Variants in MLPH observed in about 807,000 individuals in gnomAD.
MLPH encodes exophilin-3.
Under a neutral mutation model 72.1 loss-of-function variants are expected in MLPH, and 51 were observed. That is an observed-to-expected ratio of 0.71 (90% CI 0.56 to 0.89). The LOEUF (loss-of-function observed/expected upper bound fraction) is 0.89. Ranked by LOEUF, MLPH falls within the 40% of genes least tolerant of loss-of-function variation. The pLI is 0.00. For synonymous variants in MLPH, 301 were observed against 310.1 expected, an observed-to-expected ratio of 0.97 and a Z score of 0.31; for missense variants, 743 against 759.9, an observed-to-expected ratio of 0.98 and a Z score of 0.26.
intron 2 of MLPH, among the ~76,000 whole-genome samples, chr2:237,495,274 G>T (rs1013711519): frequency 1.3e-5 from 2 of 152,186 alleles, no homozygotes; most frequent in Non-Finnish European, 2.9e-5. Context: ...CCCATCTCAG[G>T]ATCCTTAATG....
chr2:237,549,115 G>A lies in MLPH; in HGVS notation c.1618-106G>A, dbSNP rs1375788591. ...TATTGCTAGAGAGCAGAAAATAGTGGCCATGGTTAATTAGAAGCTGGAAGA... is the reference window on the plus strand; with the variant it reads ...TATTGCTAGAGAGCAGAAAATAGTGACCATGGTTAATTAGAAGCTGGAAGA... On this transcript the variant is annotated intron_variant, in intron 13 of 15. Transcript: ENST00000264605. 3 of 967,626 alleles carry A rather than the reference G, an allele frequency of 3.1e-6. No individual in the cohort carries two copies. In the African/African-American group the frequency reaches 4.8e-5, roughly 16 times the overall value. 59.9% of individuals were successfully genotyped at this position (967,626 alleles called of 1,614,324 possible).
At chr2:237,520,447 C>A (rs1162085009) in intron 6 of MLPH, among the ~76,000 whole-genome samples, 1 of 152,058 alleles carries the variant, frequency 6.6e-6, no homozygotes, top group South Asian at 2.1e-4. Context: ...GGAACATACA[C>A]TTTATTGCCC....
At chr2:237,507,068 T>TTTTTTTTTTTTTTTTTTG (rs2079792677) in intron 2 of MLPH, among the ~76,000 whole-genome samples, 1 of 141,410 alleles carries the variant, frequency 7.1e-6, no homozygotes, top group Non-Finnish European at 1.5e-5. Context: ...TTTTCTTTTT[T>TTTTTTTTTTTTTTTTTTG]TTTTTTTTTT....
chr2:237,549,585 A>C (rs2080992133), intron 14 of MLPH, among the ~76,000 whole-genome samples: 3 of 152,172 alleles, frequency 2.0e-5, no homozygotes, highest in Admixed American at 1.3e-4. Context: ...CTGGCCTTCT[A>C]GAAAGTACGG....
intron 2 of MLPH, among the ~76,000 whole-genome samples, chr2:237,495,840 C>T (rs567821290): frequency 8.7e-4 from 133 of 152,290 alleles, no homozygotes; most frequent in Non-Finnish European, 1.4e-3. Flanking sequence ...GCAGAGGCTG[C>T]GGACCAGCAT....
chr2:237,538,345 G>A (rs1257240354), intron 9 of MLPH, among the ~76,000 whole-genome samples: 1 of 152,226 alleles, frequency 6.6e-6, no homozygotes, highest in African/African-American at 2.4e-5. Flanking sequence ...TGTGGGACTC[G>A]AAGCAGGGAC....
intron 1 of MLPH, among the ~76,000 whole-genome samples, chr2:237,488,985 CT>C (rs1168199624): frequency 6.6e-6 from 1 of 152,158 alleles, no homozygotes; most frequent in Non-Finnish European, 1.5e-5. Flanking sequence ...ATCACTCCCC[CT>C]CTTAATTTCA....
intron 6 of MLPH, among the ~76,000 whole-genome samples, chr2:237,524,129 C>A (rs1574870383): frequency 6.6e-6 from 1 of 151,158 alleles, no homozygotes; most frequent in Non-Finnish European, 1.5e-5. Flanking sequence ...TTGACAGGGG[C>A]TGGATTTTTC....
chr2:237,491,490 C>T (rs2079427568), intron 1 of MLPH, among the ~76,000 whole-genome samples: 1 of 152,202 alleles, frequency 6.6e-6, no homozygotes, highest in Admixed American at 6.5e-5. Flanking sequence ...GAGCTGCAAG[C>T]ACAGAAAAGC....
intron 2 of MLPH, among the ~76,000 whole-genome samples, chr2:237,495,780 G>C (rs2079523160): frequency 6.6e-6 from 1 of 152,212 alleles, no homozygotes; most frequent in African/African-American, 2.4e-5. Flanking sequence ...GGTACAGCCA[G>C]TACCAGCCTG....
Position 237,511,073 on chromosome 2 carries a change from G to T in MLPH, c.417G>T (p.Arg139=), listed in dbSNP as rs149064335. 6.8e-6 allele frequency: 11 copies of T among 1,613,810 alleles called. No homozygotes were observed. Among genetic ancestry groups the T allele is most frequent in the Non-Finnish European group, 6.8e-6 (8 of 1,179,966 alleles). The part of the protein sequence containing the change: ...FKRFGSAKVI[R]SLHGRLQGGA... ...GGTTCGGAAGTGCCAAGGTCATCCGGTCCCTCCACGGGCGGCTGCAGGGTG... is the reference window on the plus strand; with the variant it reads ...GGTTCGGAAGTGCCAAGGTCATCCGTTCCCTCCACGGGCGGCTGCAGGGTG... Residue 139 remains arginine (R), a synonymous_variant, in exon 4 of 16, where the codon CGG becomes CGT. Transcript: ENST00000264605.
chr2:237,489,590 TGTC>T (rs780673135), intron 1 of MLPH, among the ~76,000 whole-genome samples: 3 of 152,152 alleles, frequency 2.0e-5, no homozygotes, highest in Non-Finnish European at 4.4e-5. Context: ...GCACTACAGT[TGTC>T]ATCTCTGCCA....
chr2:237,529,554 G>A (rs923639179), intron 8 of MLPH, among the ~76,000 whole-genome samples: 11 of 152,168 alleles, frequency 7.2e-5, no homozygotes, highest in African/African-American at 2.4e-4. Flanking sequence ...CGGGGGAAAG[G>A]CAATATTGTT....
chr2:237,526,098 C>T (rs1400776464), intron 7 of MLPH, among the ~76,000 whole-genome samples: 1 of 152,224 alleles, frequency 6.6e-6, no homozygotes, highest in East Asian at 1.9e-4. Flanking sequence ...CCTGAAATGA[C>T]TAGAACCACT....
At chr2:237,535,327 A>G (rs2080509100) in intron 9 of MLPH, among the ~76,000 whole-genome samples, 1 of 152,100 alleles carries the variant, frequency 6.6e-6, no homozygotes, top group African/African-American at 2.4e-5. Flanking sequence ...AGCCCTCACG[A>G]CCTAATCACC....
intron 7 of MLPH, 75 bp downstream of exon 7, chr2:237,525,880 C>T (rs2106340076): frequency 1.4e-6 from 2 of 1,403,338 alleles, no homozygotes; most frequent in Middle Eastern, 2.4e-4. Flanking sequence ...AACCCCACCA[C>T]CCTGACCTAT....
At chr2:237,489,799 A>C (rs1188268572) in intron 1 of MLPH, among the ~76,000 whole-genome samples, 2 of 152,058 alleles carry the variant, frequency 1.3e-5, no homozygotes, top group Non-Finnish European at 1.5e-5. Context: ...AGGAACCCCC[A>C]CCCTGATTTC....
chr2:237,540,637 G>A lies in MLPH; in HGVS notation c.1290+104G>A, dbSNP rs141274545. 319 of 1,505,880 alleles carry A rather than the reference G, an allele frequency of 2.1e-4. No homozygotes were observed. The African/African-American group carries it at 3.8e-3, about 18-fold the overall frequency. The allele number at this position is 1,505,880 out of a possible 1,614,324, so 93.3% of individuals were successfully genotyped here. A position where few individuals can be genotyped will look rare whatever the true frequency, so the allele number is the denominator to read the frequency against. ...CCTCCCCAGGGAGGCAGCACCCACA[G>A]GAGCACACCAAGGGCCCTTGATGGG... On this transcript the variant is annotated intron_variant, in intron 10 of 15. Transcript: ENST00000264605.
intron 9 of MLPH, among the ~76,000 whole-genome samples, chr2:237,537,915 C>T (rs1392632677): frequency 2.6e-5 from 4 of 152,196 alleles, no homozygotes; most frequent in South Asian, 2.1e-4. Flanking sequence ...GCGCGGCCCT[C>T]GCCTCACACT....
Sources: gnomAD v4.1 joint callset for allele counts (sites outside exome capture counted in the v4.1 genomes callset) on GRCh38, gnomAD v4.1.1 for gene constraint, MANE v1.5 for transcripts, NCBI Gene and HGNC (gene_info 2026-07-23, HGNC 2026-07-21) for gene names.